ITIH1: variants seen among roughly 807,000 people sequenced by gnomAD.
ITIH1 encodes the protein inter-alpha-trypsin inhibitor heavy chain 1, also known as inter-alpha-trypsin inhibitor heavy chain H1.
Under a neutral mutation model 104.6 loss-of-function variants are expected in ITIH1, and 94 were observed. The observed-to-expected ratio is 0.90, with a 90% CI of 0.76 to 1.07. The LOEUF (loss-of-function observed/expected upper bound fraction) is 1.07, where lower values mean the gene tolerates loss of function less well. Ranked by LOEUF, ITIH1 falls within the 50% of genes least tolerant of loss-of-function variation. ITIH1 has a pLI of 0.00. For synonymous variants in ITIH1, 455 were observed against 464.4 expected (o/e 0.98, Z 0.26); for missense variants, 1,193 against 1,181.4 (o/e 1.01, Z -0.14).
chr3:52,779,675 G>A lies in ITIH1; in HGVS notation c.573+81G>A, dbSNP rs771194500. The stretch of plus-strand genomic sequence containing the variant: ...CCAACACTGGTTGAGCACCCACCAT[G>A]TGTCACCACCCAGGCCTGAGAACAC... On this transcript the variant is annotated intron_variant, in intron 5 of 21. Transcript: ENST00000273283. This position sits in a 1 kb window ranked among gnomAD's most constrained non-coding sequence, Gnocchi z 4.4. The A allele has an allele frequency of 6.6e-7, 1 of 1,506,226 alleles. No homozygotes were observed. Among genetic ancestry groups the A allele is most frequent in the Non-Finnish European group, 9.2e-7 (1 of 1,083,298 alleles). 93.3% of individuals were successfully genotyped at this position (1,506,226 alleles called of 1,614,324 possible).
chr3:52,789,626 C>G (rs1479159783), intron 18 of ITIH1, 27 bp from the exon 19 acceptor site: 2 of 1,609,252 alleles, frequency 1.2e-6, no homozygotes, highest in Admixed American at 1.7e-5. Flanking sequence ...CCCTTCCCAA[C>G]CCGGATGCCC....
At position 52,781,201 on chromosome 3, in the gene ITIH1, TTTTTTTTTTCTTCTTCTTCTTCTTCTTC is replaced by T. The variant is rs1699026279; in HGVS notation, c.688-736_688-709del. ...CCTCCTTCACCTCCTCCTCTTCTTT[TTTTTTTTTTCTTCTTCTTCTTCTTCTTC>T]TTCTTCTTCTTCTTCTTCTTCTTCT... On this transcript the variant is annotated intron_variant, in intron 6 of 21. Coordinates refer to ENST00000273283, the MANE Select transcript of ITIH1 (RefSeq NM_002215.4). Among the ~76,000 whole-genome samples, 209 of 70,202 alleles carry T rather than the reference TTTTTTTTTTCTTCTTCTTCTTCTTCTTC, an allele frequency of 3.0e-3. 8 individuals carry two copies. Among genetic ancestry groups the T allele is most frequent in the African/African-American group, 7.5e-3 (134 of 17,800 alleles). The allele number at this position is 70,202 out of a possible 152,430, so 46.1% of individuals were successfully genotyped here.
rs1350552409 is a variant in ITIH1 at position 52,785,158 on chromosome 3, G to A, written c.1522G>A (p.Glu508Lys). 6 of 1,614,032 alleles carry A rather than the reference G, an allele frequency of 3.7e-6. No homozygotes were observed. The highest frequency in any genetic ancestry group is 4.2e-6 in the Non-Finnish European group (5 of 1,180,022). Residue 508 changes from glutamate to lysine, a missense_variant, in exon 12 of 22, where the codon GAG (glutamate) becomes AAG (lysine). Glu to Lys is a moderately conservative substitution (Grantham distance 56). Coordinates refer to ENST00000273283, the MANE Select transcript of ITIH1 (RefSeq NM_002215.4). ...CCATAAACAGTACTACGAAGGCTCAGAGATTGTGGTGGCCGGGCGCATTGC... is the reference window on the plus strand; with the variant it reads ...CCATAAACAGTACTACGAAGGCTCAAAGATTGTGGTGGCCGGGCGCATTGC... Reference protein sequence around the residue: ...NHHKQYYEGSEIVVAGRIADN... With the variant: ...NHHKQYYEGSKIVVAGRIADN...
Position 52,777,700 on chromosome 3 carries a change from G to A in ITIH1, c.85G>A (p.Gly29Ser), listed in dbSNP as rs1453807199. ...LLILQAMPALGSATGRSKSSE... is the reference protein window; with the variant it reads ...LLILQAMPALSSATGRSKSSE... ...CATCCTGCAGGCCATGCCTGCCCTGGGCTCGGCTACAGGCAGGTCCAAGAG... is the reference window on the plus strand; with the variant it reads ...CATCCTGCAGGCCATGCCTGCCCTGAGCTCGGCTACAGGCAGGTCCAAGAG... The change falls in exon 1 of 22, where the codon GGC becomes AGC. Residue 29 changes from glycine to serine, a missense_variant. Gly to Ser is a moderately conservative substitution (Grantham distance 56). Transcript: ENST00000273283. 2 of 1,602,090 alleles carry A rather than the reference G, an allele frequency of 1.2e-6. No individual in the cohort carries two copies. The highest frequency in any genetic ancestry group is 1.7e-5 in the Admixed American group (1 of 57,592).
chr3:52,789,684 C>G lies in ITIH1; in HGVS notation c.2151C>G (p.Asn717Lys). The G allele has an allele frequency of 1.2e-6, 2 of 1,614,234 alleles. No individual in the cohort carries two copies. Among genetic ancestry groups the G allele is most frequent in the South Asian group, 1.1e-5 (1 of 91,080 alleles). ...GFSVNGQLIGNKARSPGQHDG... is the reference protein window; with the variant it reads ...GFSVNGQLIGKKARSPGQHDG... ...CAGTGAATGGACAGCTCATTGGCAA[C>G]AAGGCCAGGAGCCCTGGGCAGCATG... Residue 717 changes from asparagine to lysine, a missense_variant, in exon 19 of 22, where the codon AAC (asparagine) becomes AAG (lysine). Coordinates refer to ENST00000273283, the MANE Select transcript of ITIH1 (RefSeq NM_002215.4).
rs761414985 is a variant in ITIH1 at position 52,778,498 on chromosome 3, C to T, written c.297C>T (p.Asp99=). 1.9e-6 allele frequency: 3 copies of T among 1,614,268 alleles called. No individual in the cohort carries two copies. The highest frequency in any genetic ancestry group is 1.1e-5 in the South Asian group (1 of 91,090). The part of the protein sequence containing the change: ...LEIPKTAFIS[D]FAVTADGNAF... ...TCCCCAAGACAGCATTCATCAGTGA[C>T]TTTGCCGTGTGCGTGCCTGCCCAAC... is the stretch of plus-strand genomic sequence containing the variant. The change falls in exon 3 of 22, where the codon GAC becomes GAT. Residue 99 remains aspartate, a synonymous_variant. Transcript: ENST00000273283.
Position 52,792,040 on chromosome 3 carries a change from C to T in ITIH1, c.*129C>T. ...CTTGTGTCAAAGCACCTCATGCCTT[C>T]CATTAAAGAGAGGCCGTGTCCACCC... On this transcript the variant is annotated 3_prime_UTR_variant, in exon 22 of 22. Transcript: ENST00000273283. The T allele has an allele frequency of 9.1e-7, 1 of 1,096,428 alleles. No individual in the cohort carries two copies. Among genetic ancestry groups the T allele is most frequent in the Non-Finnish European group, 1.3e-6 (1 of 776,002 alleles). 67.9% of individuals were successfully genotyped at this position (1,096,428 alleles called of 1,614,324 possible). A position where few individuals can be genotyped will look rare whatever the true frequency, so the allele number is the denominator to read the frequency against.
intron 6 of ITIH1, among the ~76,000 whole-genome samples, chr3:52,781,414 A>ACTT (rs1699057354): frequency 6.6e-6 from 1 of 151,254 alleles, no homozygotes; most frequent in South Asian, 2.1e-4. Flanking sequence ...AGCCTACCTT[A>ACTT]CTTTTATAAC....
Position 52,785,125 on chromosome 3 carries a change from C to T in ITIH1, c.1489C>T (p.Gln497Ter). 2 of 1,614,154 alleles carry T rather than the reference C, an allele frequency of 1.2e-6. No homozygotes were observed. Among genetic ancestry groups the T allele is most frequent in the Non-Finnish European group, 1.7e-6 (2 of 1,180,030 alleles). ...YPQDAVLALT[Q>*]NHHKQYYEGS... is the part of the protein sequence containing the mutation. ...CCAGGATGCTGTCTTGGCCCTGACC[C>T]AGAACCACCATAAACAGTACTACGA... Residue 497 changes from glutamine (Q) to a stop codon, truncating the protein, a stop_gained, in exon 12 of 22, where the codon CAG becomes TAG. Transcript: ENST00000273283. LOFTEE classifies it high-confidence loss of function.
chr3:52,778,539 C>G (rs764181269), intron 3 of ITIH1, 33 bp downstream of exon 3: 1 of 1,611,636 alleles, frequency 6.2e-7, no homozygotes, highest in Non-Finnish European at 8.5e-7. Flanking sequence ...TGCCTTCTCC[C>G]AGGGGTGCCG....
At chr3:52,787,468 G>A (rs1699232015) in intron 15 of ITIH1, 124 bp from the exon 16 acceptor site, 1 of 1,206,738 alleles carries the variant, frequency 8.3e-7, no homozygotes, top group Admixed American at 1.7e-5. Context: ...CAGGACCCCA[G>A]GGGAGGGCTG....
chr3:52,781,435 T>G (rs905069212), intron 6 of ITIH1, among the ~76,000 whole-genome samples: 3 of 151,968 alleles, frequency 2.0e-5, no homozygotes, highest in African/African-American at 7.3e-5. Flanking sequence ...AAACAAAAAT[T>G]TCTTTATAGA....
chr3:52,782,820 T>G (rs945962192), intron 8 of ITIH1, 137 bp from the exon 9 acceptor site: 1 of 817,016 alleles, frequency 1.2e-6, no homozygotes. Context: ...TGCTCCTGTC[T>G]CGGGGCCACC....
At chr3:52,781,642 G>A (rs1699062220) in intron 6 of ITIH1, among the ~76,000 whole-genome samples, 1 of 152,036 alleles carries the variant, frequency 6.6e-6, no homozygotes, top group African/African-American at 2.4e-5. Context: ...AACAGTTTGA[G>A]TTGTCAGATG....
At chr3:52,781,209 TTCTTCTTCTTCTTCTTCTTC>T (rs1699034608) in intron 6 of ITIH1, among the ~76,000 whole-genome samples, 11 of 14,342 alleles carry the variant, frequency 7.7e-4, no homozygotes, top group Admixed American at 3.7e-3. Context: ...TTTTTTTTTT[TTCTTCTTCTTCTTCTTCTTC>T]TTCTTCTTCT....
At chr3:52,787,478 G>A in intron 15 of ITIH1, 114 bp from the exon 16 acceptor site, 2 of 1,302,874 alleles carry the variant, frequency 1.5e-6, no homozygotes, top group Non-Finnish European at 2.2e-6. Flanking sequence ...GGGGAGGGCT[G>A]AGACCCCCAG....
At chr3:52,784,926 C>G (rs1699160267) in intron 11 of ITIH1, 118 bp from the exon 12 acceptor site, 2 of 1,023,174 alleles carry the variant, frequency 2.0e-6, no homozygotes, top group Non-Finnish European at 2.9e-6. Flanking sequence ...TACTTGACCT[C>G]TCGGACCCTC....
chr3:52,779,209 G>A lies in ITIH1; in HGVS notation c.410+163G>A, dbSNP rs552148599. ...AGCACGGTGCACTGAACAGGCTGCC[G>A]TGCAGTTGCCCTTTTCCCAGATATG... On this transcript the variant is annotated intron_variant, in intron 4 of 21. Coordinates refer to ENST00000273283, the MANE Select transcript of ITIH1 (RefSeq NM_002215.4). The surrounding 1 kb of genome is among the most constrained non-coding windows in gnomAD (Gnocchi z 4.4). Among the ~76,000 whole-genome samples, 8 of 152,344 alleles carry A rather than the reference G, an allele frequency of 5.3e-5. 1 individual carries two copies. Among genetic ancestry groups the A allele is most frequent in the South Asian group, 2.1e-4 (1 of 4,830 alleles).
At chr3:52,791,196 G>A (rs1699347891) in intron 20 of ITIH1, among the ~76,000 whole-genome samples, 1 of 152,152 alleles carries the variant, frequency 6.6e-6, no homozygotes, top group African/African-American at 2.4e-5. Context: ...AACCTTGTGA[G>A]TAGGGTGGGT....
Sources: allele counts gnomAD v4.1 joint callset (sites outside exome capture counted in the v4.1 genomes callset), GRCh38; gene constraint gnomAD v4.1.1; non-coding constraint Gnocchi (gnomAD v3.1); transcripts MANE v1.5; gene names NCBI Gene and HGNC (gene_info 2026-07-23, HGNC 2026-07-21).